Variants in SCAMP4 observed in about 807,000 individuals in gnomAD.
The protein encoded by SCAMP4 is secretory carrier membrane protein 4, also known as secretory carrier-associated membrane protein 4.
SCAMP4 carries 19 observed loss-of-function variants against 32.1 expected under a neutral mutation model. That is an observed-to-expected ratio of 0.59 (90% CI 0.41 to 0.87). The LOEUF (loss-of-function observed/expected upper bound fraction) is 0.87, where lower values mean the gene tolerates loss of function less well. SCAMP4 is among the 40% of genes least tolerant of loss of function. The pLI is 0.00. For synonymous variants in SCAMP4, 152 were observed against 132.7 expected (o/e 1.15, Z -1.00); for missense variants, 302 against 309.0 (o/e 0.98, Z 0.17).
At chr19:1,910,822 G>T (rs148952582) in intron 1 of SCAMP4, among the ~76,000 whole-genome samples, 2 of 151,502 alleles carry the variant, frequency 1.3e-5, no homozygotes, top group African/African-American at 4.9e-5. Context: ...TGATCTGCCC[G>T]CCTCAGCCTC....
In SCAMP4 at chr19:1,919,067, C is replaced by T. The variant is rs567372612; in HGVS notation, c.395+77C>T. The T allele has an allele frequency of 4.1e-5, 63 of 1,552,530 alleles. 1 individual carries two copies. Among genetic ancestry groups the T allele is most frequent in the South Asian group, 3.2e-4 (27 of 84,356 alleles). On this transcript the variant is annotated intron_variant, in intron 5 of 6. Coordinates refer to ENST00000316097, the MANE Select transcript of SCAMP4 (RefSeq NM_079834.4). ...GTTGTGGGCCTGCTGGGAAGCCAGGCGGCCACCGGAGCGTGCTGGTCCGGG... is the reference window on the plus strand; with the variant it reads ...GTTGTGGGCCTGCTGGGAAGCCAGGTGGCCACCGGAGCGTGCTGGTCCGGG...
intron 1 of SCAMP4, chr19:1,914,628 C>A: frequency 2.7e-6 from 1 of 368,718 alleles, no homozygotes; most frequent in Non-Finnish European, 5.1e-6. Flanking sequence ...GGTCTTAGGC[C>A]CTGCAGCGTT....
At chr19:1,923,753 G>T in intron 6 of SCAMP4, among the ~76,000 whole-genome samples, 1 of 150,190 alleles carries the variant, frequency 6.7e-6, no homozygotes, top group Admixed American at 6.8e-5. Flanking sequence ...CGAGTAGCTG[G>T]GACTACAGGC....
intron 1 of SCAMP4, chr19:1,913,103 C>T (rs1301816722): frequency 6.3e-7 from 1 of 1,594,806 alleles, no homozygotes; most frequent in Non-Finnish European, 8.5e-7. Flanking sequence ...TCCAGGTGTT[C>T]CGCGGGGTGC....
Position 1,905,469 on chromosome 19 carries a change from C to T in SCAMP4, c.-42+30C>T, listed in dbSNP as rs1194667046. 1.1e-5 allele frequency: 5 copies of T among 453,438 alleles called. 1 individual carries two copies. Among genetic ancestry groups the T allele is most frequent in the African/African-American group, 2.1e-5 (1 of 48,436 alleles). 28.1% of individuals were successfully genotyped at this position (453,438 alleles called of 1,614,324 possible). Reference sequence around the variant, plus strand: ...GCGCGCGGCCCCGAGGTCTCGGGTTCTCCAGGCTCAGACTTCCCCAGAGGG... The same window carrying T: ...GCGCGCGGCCCCGAGGTCTCGGGTTTTCCAGGCTCAGACTTCCCCAGAGGG... On this transcript the variant is annotated intron_variant, in intron 1 of 6. Coordinates refer to ENST00000316097, the MANE Select transcript of SCAMP4 (RefSeq NM_079834.4).
intron 1 of SCAMP4, among the ~76,000 whole-genome samples, chr19:1,909,993 G>T (rs1403415814): frequency 6.6e-6 from 1 of 152,244 alleles, no homozygotes; most frequent in East Asian, 1.9e-4. Context: ...TGGGTGTTCC[G>T]TGTCAGTGCC....
rs1217877888 is a variant in SCAMP4, at chr19:1,917,705, A to G, written c.19A>G (p.Asn7Asp). ...CTCTGTCCCTACAGAAAAGGAGAAC[A>G]ACTTCCCGCCACTGCCCAAGTTCAT... is the stretch of plus-strand genomic sequence containing the variant. MSEKENNFPPLPKFIPV... is the reference protein window; with the variant it reads MSEKENDFPPLPKFIPV... Residue 7 changes from asparagine (N) to aspartate (D), a missense_variant, in exon 3 of 7, where the codon AAC (asparagine) becomes GAC (aspartate). Transcript: ENST00000316097. The G allele has an allele frequency of 6.8e-6, 11 of 1,613,880 alleles. No homozygotes were observed. The highest frequency in any genetic ancestry group is 7.6e-6 in the Non-Finnish European group (9 of 1,179,904).
chr19:1,909,662 C>T (rs947391823), intron 1 of SCAMP4, among the ~76,000 whole-genome samples: 2 of 152,188 alleles, frequency 1.3e-5, no homozygotes, highest in African/African-American at 2.4e-5. Flanking sequence ...GGTTCTCACC[C>T]GAGAGCCGCC....
At position 1,924,555 on chromosome 19, in the gene SCAMP4, C is replaced by CCCG. The variant is rs2014038862; in HGVS notation, c.*275_*277dup. ...TCTTGCTCCCGGAAACGTGTGGTCA[C>CCCG]CCGCCGTCCACTGCACGGCTGGTAC... is the stretch of plus-strand genomic sequence containing the variant. On this transcript the variant is annotated 3_prime_UTR_variant, in exon 7 of 7. Coordinates refer to ENST00000316097, the MANE Select transcript of SCAMP4 (RefSeq NM_079834.4). 8.2e-5 allele frequency: 41 copies of CCCG among 499,000 alleles called. 2 individuals carry two copies. The South Asian group carries it at 8.9e-4, about 11-fold the overall frequency. 30.9% of individuals were successfully genotyped at this position (499,000 alleles called of 1,614,324 possible). A position where few individuals can be genotyped will look rare whatever the true frequency, so the allele number is the denominator to read the frequency against.
At chr19:1,918,456 T>C (rs889127696) in intron 4 of SCAMP4, among the ~76,000 whole-genome samples, 173 bp downstream of exon 4, 3 of 152,126 alleles carry the variant, frequency 2.0e-5, no homozygotes, top group African/African-American at 4.8e-5. Flanking sequence ...TACTGTCTGT[T>C]TTGTTTTGCT....
intron 2 of SCAMP4, chr19:1,915,587 G>A (rs73520880): frequency 0.037 from 5,932 of 162,302 alleles, 370 homozygotes; most frequent in African/African-American, 0.13. Flanking sequence ...AACTCCGGAC[G>A]TGATGGAGTT....
chr19:1,912,393 GC>G, intron 1 of SCAMP4: 1 of 1,518,060 alleles, frequency 6.6e-7, no homozygotes, highest in Non-Finnish European at 8.8e-7. Flanking sequence ...GGCTGGGCCG[GC>G]CTCGGGCCCG....
At chr19:1,919,136 A>G in intron 5 of SCAMP4, 146 bp downstream of exon 5, 2 of 1,462,954 alleles carry the variant, frequency 1.4e-6, no homozygotes, top group Non-Finnish European at 1.8e-6. Context: ...TCACCCTGGC[A>G]GCGCCCGCGT....
intron 5 of SCAMP4, chr19:1,921,056 G>A: frequency 1.0e-6 from 1 of 985,428 alleles, no homozygotes; most frequent in Non-Finnish European, 1.2e-6. Context: ...GGAGAGCCCG[G>A]CCCCCCTTGT....
chr19:1,920,446 C>T, intron 5 of SCAMP4: 3 of 611,428 alleles, frequency 4.9e-6, no homozygotes, highest in Non-Finnish European at 6.1e-6. Flanking sequence ...CCCTCCTGCA[C>T]CTGCGCCTGG....
intron 1 of SCAMP4, chr19:1,912,282 G>T (rs767967192): frequency 7.6e-6 from 12 of 1,584,582 alleles, no homozygotes; most frequent in Admixed American, 7.0e-5. Context: ...CCTGAAGGAG[G>T]TGTCGGCCCT....
At chr19:1,922,484 C>A (rs1025706742) in intron 5 of SCAMP4, 32 of 944,038 alleles carry the variant, frequency 3.4e-5, no homozygotes, top group Non-Finnish European at 3.9e-5. Context: ...ATCCGCCCGC[C>A]TCGGCCTCCC....
In SCAMP4 at chr19:1,908,295, G is replaced by A. The variant is rs1027534434; in HGVS notation, c.-42+2856G>A. On this transcript the variant is annotated intron_variant, in intron 1 of 6. Transcript: ENST00000316097. This position sits in a 1 kb window ranked among gnomAD's most constrained non-coding sequence, Gnocchi z 4.2. Reference sequence around the variant, plus strand: ...TCTCCGGTTCTGTGCTTTGTTGAACGCGTGAGCTTCGGGCAGCGCTGGGGC... The same window carrying A: ...TCTCCGGTTCTGTGCTTTGTTGAACACGTGAGCTTCGGGCAGCGCTGGGGC... 1 of 325,308 alleles carries A rather than the reference G, an allele frequency of 3.1e-6. No individual in the cohort carries two copies. The highest frequency in any genetic ancestry group is 6.1e-6 in the Non-Finnish European group (1 of 163,970). The allele number at this position is 325,308 out of a possible 1,614,324, so 20.2% of individuals were successfully genotyped here.
At chr19:1,912,982 TG>T (rs1386124062) in intron 1 of SCAMP4, 33 of 1,609,710 alleles carry the variant, frequency 2.1e-5, no homozygotes, top group Non-Finnish European at 2.8e-5. Flanking sequence ...ATGTGCGCCA[TG>T]GCCCTGGTGC....
Sources: allele counts gnomAD v4.1 joint callset (sites outside exome capture counted in the v4.1 genomes callset), GRCh38; gene constraint gnomAD v4.1.1; non-coding constraint Gnocchi (gnomAD v3.1); transcripts MANE v1.5; gene names NCBI Gene and HGNC (gene_info 2026-07-23, HGNC 2026-07-21).